Variants in PPP1R9A observed in about 807,000 individuals in gnomAD.
PPP1R9A encodes neurabin-1.
PPP1R9A carries 59 observed loss-of-function variants against 141.9 expected under a neutral mutation model. The observed-to-expected ratio is 0.42, with a 90% confidence interval of 0.34 to 0.52. The LOEUF (loss-of-function observed/expected upper bound fraction) is 0.52, where lower values mean the gene tolerates loss of function less well. Among genes scored for constraint, PPP1R9A ranks in the 20% least tolerant of loss-of-function variants. PPP1R9A has a pLI of 0.10. For synonymous variants in PPP1R9A, 500 were observed against 569.7 expected, an observed-to-expected ratio of 0.88 and a Z score of 1.74; for missense variants, 1,444 against 1,611.9, an observed-to-expected ratio of 0.90 and a Z score of 1.78.
chr7:94,950,841 G>T (rs1796388931), intron 2 of PPP1R9A, among the ~76,000 whole-genome samples: 1 of 152,092 alleles, frequency 6.6e-6, no homozygotes, highest in South Asian at 2.1e-4. Context: ...CAACTTCCTA[G>T]ACTTCAGTGA....
intron 2 of PPP1R9A, among the ~76,000 whole-genome samples, chr7:95,078,569 A>G (rs953763322): frequency 3.3e-5 from 5 of 152,174 alleles, no homozygotes; most frequent in African/African-American, 1.2e-4. Context: ...GACTTCCACA[A>G]GGGTTGAACT....
intron 2 of PPP1R9A, among the ~76,000 whole-genome samples, chr7:95,000,724 A>C (rs1802803793): frequency 1.3e-5 from 2 of 152,176 alleles, no homozygotes; most frequent in Admixed American, 6.5e-5. Flanking sequence ...TAAATGATGC[A>C]GATAGGCTAA....
intron 6 of PPP1R9A, among the ~76,000 whole-genome samples, chr7:95,200,452 AT>A (rs887039019): frequency 8.1e-5 from 12 of 148,152 alleles, no homozygotes; most frequent in African/African-American, 1.7e-4. Context: ...AAAAAAAAAA[AT>A]TTTTTTTTTA....
At chr7:95,107,556 G>A (rs1052950568) in intron 2 of PPP1R9A, among the ~76,000 whole-genome samples, 1 of 151,944 alleles carries the variant, frequency 6.6e-6, no homozygotes, top group African/African-American at 2.4e-5. Flanking sequence ...ATATAAATAG[G>A]AATGTTTTTC....
chr7:95,066,274 G>T (rs558383993), intron 2 of PPP1R9A, among the ~76,000 whole-genome samples: 26 of 152,164 alleles, frequency 1.7e-4, no homozygotes, highest in Non-Finnish European at 1.8e-4. Flanking sequence ...AACCTACCCT[G>T]CCAACACCTT....
chr7:95,018,283 A>T (rs771315763), intron 2 of PPP1R9A: 3 of 230,986 alleles, frequency 1.3e-5, no homozygotes, highest in Non-Finnish European at 3.0e-5. Flanking sequence ...TCAGGCCCAG[A>T]TGAGCAGCAC....
At chr7:95,214,772 T>G (rs1483044678) in intron 7 of PPP1R9A, among the ~76,000 whole-genome samples, 1 of 152,120 alleles carries the variant, frequency 6.6e-6, no homozygotes, top group Admixed American at 6.6e-5. Flanking sequence ...CGGAAAATAT[T>G]TTATTGGCAA....
At chr7:95,150,641 A>G (rs531041127) in intron 4 of PPP1R9A, among the ~76,000 whole-genome samples, 1 of 152,320 alleles carries the variant, frequency 6.6e-6, no homozygotes, top group African/African-American at 2.4e-5. Flanking sequence ...GGCATAATCT[A>G]TGAAAGAAAT....
chr7:95,079,277 A>C (rs1262321970), intron 2 of PPP1R9A, among the ~76,000 whole-genome samples: 2 of 152,146 alleles, frequency 1.3e-5, no homozygotes, highest in African/African-American at 4.8e-5. Flanking sequence ...GGTTTGTCAA[A>C]GATCAGATAG....
rs142568021 is a variant in PPP1R9A, at chr7:95,131,897, T to C, written c.1649+11065T>C. Among the ~76,000 whole-genome samples the C allele has an allele frequency of 3.2e-4, 49 of 152,314 alleles. 1 individual carries two copies. The East Asian group carries it at 8.5e-3, about 26-fold the overall frequency. ...TGTTTTATAGTTCTTCTTATAGATA[T>C]CTTTCACTTTCTTGGTTAGATGTAT... On this transcript the variant is annotated intron_variant, in intron 4 of 19. Coordinates refer to ENST00000433360, the MANE Select transcript of PPP1R9A (RefSeq NM_001166160.2).
At position 95,226,025 on chromosome 7, in the gene PPP1R9A, T is replaced by G. The variant is rs201781185; in HGVS notation, c.2021T>G (p.Met674Arg). 2 of 1,613,622 alleles carry G rather than the reference T, an allele frequency of 1.2e-6. No individual in the cohort carries two copies. The highest frequency in any genetic ancestry group is 4.5e-5 in the East Asian group (2 of 44,868). ...EVGPVLPGSD[M>R]AIEVFELPEN... is the part of the protein sequence containing the mutation. ...GGACCTGTCCTTCCTGGCAGCGACATGGCCATTGAAGTCTTTGAGCTGCCT... is the reference window on the plus strand; with the variant it reads ...GGACCTGTCCTTCCTGGCAGCGACAGGGCCATTGAAGTCTTTGAGCTGCCT... The change falls in exon 8 of 20, where the codon ATG (methionine) becomes AGG (arginine). Residue 674 changes from methionine (M) to arginine (R), a missense_variant. Around this residue, in one of 5 missense-constraint regions of PPP1R9A, gnomAD observed 488 missense variants for 542.0 expected, o/e 0.90. Coordinates refer to ENST00000433360, the MANE Select transcript of PPP1R9A (RefSeq NM_001166160.2).
At chr7:94,959,313 TA>T (rs1004649666) in intron 2 of PPP1R9A, among the ~76,000 whole-genome samples, 10 of 151,688 alleles carry the variant, frequency 6.6e-5, no homozygotes, top group African/African-American at 1.9e-4. Flanking sequence ...GTTGTGGACA[TA>T]AAAAAATGAA....
At chr7:95,008,791 G>A (rs1043096127) in intron 2 of PPP1R9A, among the ~76,000 whole-genome samples, 1 of 152,080 alleles carries the variant, frequency 6.6e-6, no homozygotes, top group African/African-American at 2.4e-5. Flanking sequence ...GGGAGAGAGT[G>A]GAGTTTTGGG....
intron 4 of PPP1R9A, chr7:95,155,185 CTTTT>C (rs57799059): frequency 2.5e-5 from 3 of 119,504 alleles, no homozygotes; most frequent in Non-Finnish European, 3.4e-5. Flanking sequence ...TTCTTTTTTT[CTTTT>C]TTTTTTTTTT....
intron 2 of PPP1R9A, among the ~76,000 whole-genome samples, chr7:94,956,049 G>A (rs185078125): frequency 1.3e-5 from 2 of 152,182 alleles, no homozygotes; most frequent in East Asian, 3.9e-4. Flanking sequence ...CTGACACTAC[G>A]TTCTCCAGTT....
At chr7:95,264,422 G>A (rs919237500) in intron 12 of PPP1R9A, among the ~76,000 whole-genome samples, 22 of 152,114 alleles carry the variant, frequency 1.4e-4, no homozygotes, top group African/African-American at 2.7e-4. Context: ...TTCCACTTAC[G>A]TCAAAAATAA....
chr7:95,203,157 G>A (rs774575243), intron 6 of PPP1R9A, among the ~76,000 whole-genome samples: 1 of 151,850 alleles, frequency 6.6e-6, no homozygotes, highest in Non-Finnish European at 1.5e-5. Flanking sequence ...CAATATTATA[G>A]CAACTTTTTT....
intron 2 of PPP1R9A, among the ~76,000 whole-genome samples, chr7:94,952,859 C>T (rs1796631596): frequency 6.6e-6 from 1 of 151,764 alleles, no homozygotes; most frequent in African/African-American, 2.4e-5. Flanking sequence ...GGATATTAGC[C>T]CTTTGTCAGA....
At chr7:95,182,228 A>G (rs1476493710) in intron 5 of PPP1R9A, among the ~76,000 whole-genome samples, 1 of 152,000 alleles carries the variant, frequency 6.6e-6, no homozygotes, top group Non-Finnish European at 1.5e-5. Flanking sequence ...TGTAATCCCA[A>G]CACTTGGGAG....
Sources: gnomAD v4.1 joint callset for allele counts (sites outside exome capture counted in the v4.1 genomes callset) on GRCh38, gnomAD v4.1.1 for gene constraint, gnomAD v4.1.1 regional missense constraint, MANE v1.5 for transcripts, NCBI Gene and HGNC (gene_info 2026-07-23, HGNC 2026-07-21) for gene names.